Variants in PAK1 observed in about 807,000 individuals in gnomAD.
The protein encoded by PAK1 is serine/threonine-protein kinase PAK 1.
A neutral mutation model predicts 67.4 loss-of-function variants in PAK1; 29 were observed. That is an observed-to-expected ratio of 0.43 (90% CI 0.32 to 0.59). The LOEUF (loss-of-function observed/expected upper bound fraction) is 0.59. Ranked by LOEUF, PAK1 falls within the 20% of genes least tolerant of loss-of-function variation. The pLI is 0.07. For synonymous variants in PAK1, 223 were observed against 237.4 expected (o/e 0.94, Z 0.56); for missense variants, 337 against 670.7 (o/e 0.50, Z 5.50).
chr11:77,343,232 T>C lies in PAK1; in HGVS notation c.998+587A>G, dbSNP rs962096442. On this transcript the variant is annotated intron_variant, in intron 10 of 14. Transcript: ENST00000356341. ...GGACTTAATGAAGATAGTGAAAAAGTTCCACATTTCCAGTTTAATGCAAGC... is the reference window on the plus strand; with the variant it reads ...GGACTTAATGAAGATAGTGAAAAAGCTCCACATTTCCAGTTTAATGCAAGC... 5.4e-5 allele frequency among the ~76,000 whole-genome samples: 8 copies of C among 147,934 alleles called. No homozygotes were observed. The Admixed American group carries it at 5.4e-4, about 10-fold the overall frequency.
At chr11:77,368,168 T>C (rs1947868943) in intron 5 of PAK1, among the ~76,000 whole-genome samples, 1 of 152,156 alleles carries the variant, frequency 6.6e-6, no homozygotes, top group South Asian at 2.1e-4. Context: ...AATAGGAATA[T>C]AATTGTGAAA....
the PAK1 span, among the ~76,000 whole-genome samples, chr11:77,482,663 G>A: frequency 2.7e-5 from 4 of 148,522 alleles, no homozygotes; most frequent in Non-Finnish European, 4.4e-5. Flanking sequence ...GCATGATCTC[G>A]TCTCACTGCA....
the PAK1 span, among the ~76,000 whole-genome samples, chr11:77,494,430 G>T: frequency 2.0e-5 from 3 of 152,072 alleles, no homozygotes; most frequent in Non-Finnish European, 4.4e-5. Context: ...AAAGAGTCTT[G>T]TTGCCCAGGC....
upstream of PAK1, chr11:77,475,665 C>CATTCAT (rs563256779): frequency 2.0e-5 from 3 of 152,314 alleles, no homozygotes; most frequent in East Asian, 1.9e-4. Flanking sequence ...GCTCAAATGT[C>CATTCAT]ATTCATATTC....
intron 6 of PAK1, among the ~76,000 whole-genome samples, chr11:77,357,521 C>T (rs946506722): frequency 3.9e-5 from 6 of 152,266 alleles, no homozygotes; most frequent in African/African-American, 1.4e-4. Flanking sequence ...AGAAACCTTG[C>T]CTTTTCCTTC....
At chr11:77,366,113 C>G (rs1166887932) in intron 5 of PAK1, among the ~76,000 whole-genome samples, 1 of 152,100 alleles carries the variant, frequency 6.6e-6, no homozygotes, top group Non-Finnish European at 1.5e-5. Flanking sequence ...CCCAACAAAA[C>G]TATCCTTCAA....
At chr11:77,440,786 C>A (rs1346042358) in intron 1 of PAK1, among the ~76,000 whole-genome samples, 1 of 152,154 alleles carries the variant, frequency 6.6e-6, no homozygotes, top group African/African-American at 2.4e-5. Context: ...CACCAAAAAA[C>A]AAGAGACCTT....
the PAK1 span, among the ~76,000 whole-genome samples, chr11:77,508,999 G>A: frequency 1.4e-5 from 2 of 142,634 alleles, no homozygotes; most frequent in African/African-American, 2.5e-5. Context: ...GGCCGGGCGC[G>A]GTGGCTCAAG....
intron 1 of PAK1, among the ~76,000 whole-genome samples, chr11:77,421,109 C>A (rs1041688021): frequency 6.6e-6 from 1 of 152,190 alleles, no homozygotes; most frequent in African/African-American, 2.4e-5. Flanking sequence ...GAAAAACATA[C>A]AAGGCCTTAT....
intron 5 of PAK1, among the ~76,000 whole-genome samples, chr11:77,360,165 T>C (rs904434334): frequency 1.1e-4 from 17 of 152,040 alleles, no homozygotes; most frequent in Admixed American, 2.0e-4. Context: ...ATACTAGAGG[T>C]ACTGACTGTG....
At chr11:77,355,945 A>G in intron 6 of PAK1, 103 bp from the exon 7 acceptor site, 1 of 692,262 alleles carries the variant, frequency 1.4e-6, no homozygotes, top group South Asian at 1.8e-5. Flanking sequence ...ACCCCAATAA[A>G]CTCATCCTTT....
intron 1 of PAK1, among the ~76,000 whole-genome samples, chr11:77,451,828 A>G (rs1956870411): frequency 7.0e-6 from 1 of 142,156 alleles, no homozygotes; most frequent in African/African-American, 2.8e-5. Context: ...CGAACTCCTG[A>G]CCTCAGGTGA....
Position 77,349,294 on chromosome 11 carries a change from A to G in PAK1, c.837-7T>C. 1.3e-6 allele frequency: 2 copies of G among 1,596,580 alleles called. No individual in the cohort carries two copies. Among genetic ancestry groups the G allele is most frequent in the Non-Finnish European group, 1.7e-6 (2 of 1,170,082 alleles). ...GTACACGGTGCCTGAAGCACTGAAC[A>G]GTAAGGTGGCGGAGAAAGAGGGAAA... is the stretch of plus-strand genomic sequence containing the variant. On this transcript the variant is annotated splice_polypyrimidine_tract_variant and splice_region_variant and intron_variant, in intron 8 of 14. Transcript: ENST00000356341.
At chr11:77,489,870 C>T in the PAK1 span, among the ~76,000 whole-genome samples, 1 of 152,170 alleles carries the variant, frequency 6.6e-6, no homozygotes, top group Admixed American at 6.5e-5. Context: ...CCGGCCACCA[C>T]CCCGTCTGGG....
intron 1 of PAK1, among the ~76,000 whole-genome samples, chr11:77,423,129 G>T (rs953275672): frequency 1.3e-5 from 2 of 151,396 alleles, no homozygotes; most frequent in African/African-American, 4.9e-5. Context: ...TCAAGAAAAA[G>T]ATGCTTCTTA....
At chr11:77,480,211 A>G in the PAK1 span, among the ~76,000 whole-genome samples, 7 of 152,018 alleles carry the variant, frequency 4.6e-5, no homozygotes, top group African/African-American at 1.7e-4. Context: ...TTCTTCCCCC[A>G]CATAGCTGCA....
intron 2 of PAK1, among the ~76,000 whole-genome samples, chr11:77,383,728 C>T (rs945838678): frequency 2.0e-5 from 3 of 152,158 alleles, no homozygotes; most frequent in African/African-American, 7.2e-5. Context: ...AGAAGTCATA[C>T]AGTCCCAGAG....
chr11:77,355,788 C>T lies in PAK1; in HGVS notation c.652G>A (p.Ala218Thr). Reference sequence around the variant, plus strand: ...TCAGTAGGTGAAATGGGAGATGTAGCCACGTCCCGAGTTGGAGTGACAGGA... The same window carrying T: ...TCAGTAGGTGAAATGGGAGATGTAGTCACGTCCCGAGTTGGAGTGACAGGA... ...PLPVTPTRDVATSPISPTENN... is the reference protein window; with the variant it reads ...PLPVTPTRDVTTSPISPTENN... Residue 218 changes from alanine to threonine, a missense_variant, in exon 7 of 15, where the codon GCT becomes ACT. Ala to Thr is a moderately conservative substitution (Grantham distance 58, BLOSUM62 0). Transcript: ENST00000356341. 6.2e-7 allele frequency: 1 copy of T among 1,613,328 alleles called. No individual in the cohort carries two copies. The highest frequency in any genetic ancestry group is 8.5e-7 in the Non-Finnish European group (1 of 1,179,364).
the PAK1 span, among the ~76,000 whole-genome samples, chr11:77,525,872 G>T: frequency 6.6e-6 from 1 of 152,326 alleles, no homozygotes; most frequent in African/African-American, 2.4e-5. Context: ...TAGAACAACA[G>T]GAGGGAAAAG....
Sources: allele counts gnomAD v4.1 joint callset (sites outside exome capture counted in the v4.1 genomes callset), GRCh38; gene constraint gnomAD v4.1.1; transcripts MANE v1.5; gene names NCBI Gene and HGNC (gene_info 2026-07-23, HGNC 2026-07-21).